CLVS1: variants seen among roughly 807,000 people sequenced by gnomAD.
CLVS1 encodes the protein clavesin-1.
Under a neutral mutation model 33.1 loss-of-function variants are expected in CLVS1, and 10 were observed. The ratio of observed to expected loss-of-function variants is 0.30; its 90% confidence interval spans 0.19 to 0.51. CLVS1 has a LOEUF of 0.51. Ranked by LOEUF, CLVS1 falls within the 20% of genes least tolerant of loss-of-function variation. The pLI is 0.97. For missense variants in CLVS1, 343 were observed against 433.4 expected, an observed-to-expected ratio of 0.79 and a Z score of 1.85; for synonymous variants, 163 against 166.1, an observed-to-expected ratio of 0.98 and a Z score of 0.14.
chr8:61,429,900 AT>A (rs1816047998), intron 3 of CLVS1, among the ~76,000 whole-genome samples: 1 of 152,152 alleles, frequency 6.6e-6, no homozygotes, highest in African/African-American at 2.4e-5. Context: ...ATTAGTAATA[AT>A]TTTCTCTCTT....
chr8:61,064,642 A>G (rs562866190), intron 1 of CLVS1, among the ~76,000 whole-genome samples: 57 of 151,164 alleles, frequency 3.8e-4, no homozygotes, highest in African/African-American at 1.2e-3. Flanking sequence ...GTGGGTTCAA[A>G]CGATTCTTCT....
chr8:61,053,299 G>T (rs915665482), upstream of CLVS1, among the ~76,000 whole-genome samples: 1 of 152,204 alleles, frequency 6.6e-6, no homozygotes, highest in African/African-American at 2.4e-5. Flanking sequence ...GAGGCTAGAA[G>T]AGAGAGACGT....
At chr8:61,477,749 G>C (rs1452113294) in intron 5 of CLVS1, among the ~76,000 whole-genome samples, 1 of 152,114 alleles carries the variant, frequency 6.6e-6, no homozygotes, top group Non-Finnish European at 1.5e-5. Flanking sequence ...CAAAAAACCA[G>C]CTCCTGGATT....
chr8:61,469,286 TG>T (rs1817658864), intron 5 of CLVS1, among the ~76,000 whole-genome samples: 1 of 152,178 alleles, frequency 6.6e-6, no homozygotes, highest in Admixed American at 6.5e-5. Flanking sequence ...CTTCCTAAAT[TG>T]GCATGACATA....
At chr8:61,245,308 G>A (rs1023484372) in intron 2 of CLVS1, among the ~76,000 whole-genome samples, 8 of 151,698 alleles carry the variant, frequency 5.3e-5, no homozygotes, top group South Asian at 2.1e-4. Context: ...TCAGCCTCCC[G>A]AGTAGCTGGG....
At chr8:61,118,320 C>T (rs1163096115) in intron 1 of CLVS1, among the ~76,000 whole-genome samples, 2 of 152,116 alleles carry the variant, frequency 1.3e-5, no homozygotes, top group South Asian at 2.1e-4. Flanking sequence ...TTTCAAAACA[C>T]CAGCTCCTGG....
chr8:61,456,713 G>A (rs548916970), intron 4 of CLVS1, among the ~76,000 whole-genome samples: 6 of 152,042 alleles, frequency 3.9e-5, no homozygotes, highest in African/African-American at 1.4e-4. Flanking sequence ...TCAGGAGATC[G>A]AGACCATCCT....
intron 2 of CLVS1, among the ~76,000 whole-genome samples, chr8:61,157,247 G>C (rs533964464): frequency 2.0e-5 from 3 of 151,976 alleles, no homozygotes; most frequent in African/African-American, 7.3e-5. Context: ...TCCACACATA[G>C]GCAATTAAAT....
intron 3 of CLVS1, among the ~76,000 whole-genome samples, chr8:61,449,871 C>A (rs1374223090): frequency 1.3e-5 from 2 of 152,186 alleles, no homozygotes; most frequent in Non-Finnish European, 2.9e-5. Context: ...TACACACTAT[C>A]CAGGTCTTAG....
chr8:61,459,204 A>T (rs539550655), intron 5 of CLVS1, among the ~76,000 whole-genome samples: 1 of 152,152 alleles, frequency 6.6e-6, no homozygotes, highest in Non-Finnish European at 1.5e-5. Context: ...ATGGGACTGG[A>T]CATGAAATAA....
intron 1 of CLVS1, among the ~76,000 whole-genome samples, chr8:61,118,947 G>A (rs1805800441): frequency 6.6e-6 from 1 of 152,060 alleles, no homozygotes; most frequent in African/African-American, 2.4e-5. Flanking sequence ...CTGTCTCGTT[G>A]ATCTGTCTAA....
intron 2 of CLVS1, among the ~76,000 whole-genome samples, chr8:61,185,340 G>T (rs1329039358): frequency 2.1e-5 from 3 of 144,720 alleles, no homozygotes; most frequent in Non-Finnish European, 4.5e-5. Context: ...TTTTTGTACA[G>T]TTGGGGTTTT....
intron 2 of CLVS1, among the ~76,000 whole-genome samples, chr8:61,228,377 T>G (rs1255167551): frequency 6.6e-6 from 1 of 152,180 alleles, no homozygotes; most frequent in Non-Finnish European, 1.5e-5. Context: ...ACAGATGCTC[T>G]TCAACTTATG....
intron 1 of CLVS1, among the ~76,000 whole-genome samples, chr8:61,093,414 G>C (rs1805289293): frequency 6.6e-6 from 1 of 152,042 alleles, no homozygotes; most frequent in Admixed American, 6.5e-5. Context: ...TGAGTGTGGG[G>C]GTCCAAAAAC....
chr8:61,029,389 G>A, the CLVS1 span, among the ~76,000 whole-genome samples: 27 of 152,088 alleles, frequency 1.8e-4, no homozygotes, highest in Non-Finnish European at 1.3e-4. Context: ...AGAGGGAGGC[G>A]GGGCAGAGAT....
intron 5 of CLVS1, among the ~76,000 whole-genome samples, chr8:61,460,568 C>A (rs190864351): frequency 1.3e-5 from 2 of 152,166 alleles, no homozygotes; most frequent in Non-Finnish European, 2.9e-5. Flanking sequence ...CATAAAATTG[C>A]CCATGTTTGA....
intron 1 of CLVS1, among the ~76,000 whole-genome samples, chr8:61,094,517 G>C (rs1236885535): frequency 6.6e-6 from 1 of 152,142 alleles, no homozygotes; most frequent in Non-Finnish European, 1.5e-5. Context: ...ATGAGGTTGG[G>C]TAACTGTTAT....
At chr8:61,282,693 T>G (rs1403383407) in intron 2 of CLVS1, among the ~76,000 whole-genome samples, 1 of 152,230 alleles carries the variant, frequency 6.6e-6, no homozygotes, top group Non-Finnish European at 1.5e-5. Context: ...TGCTTATACA[T>G]GGGGAAAGAT....
At chr8:61,261,894 C>T (rs1809209505) in intron 2 of CLVS1, among the ~76,000 whole-genome samples, 1 of 152,074 alleles carries the variant, frequency 6.6e-6, no homozygotes, top group Non-Finnish European at 1.5e-5. Context: ...GCATGTTCTT[C>T]AGGCAAGGTA....
Sources: allele counts gnomAD v4.1 joint callset (sites outside exome capture counted in the v4.1 genomes callset), GRCh38; gene constraint gnomAD v4.1.1; transcripts MANE v1.5; gene names NCBI Gene and HGNC (gene_info 2026-07-23, HGNC 2026-07-21).